Variants in KIF16B observed in about 807,000 individuals in gnomAD.
KIF16B encodes the protein kinesin-like protein KIF16B.
KIF16B carries 98 observed loss-of-function variants against 156.3 expected under a neutral mutation model. The observed-to-expected ratio is 0.63, with a 90% CI of 0.53 to 0.74. The LOEUF is 0.74. Among genes scored for constraint, KIF16B ranks in the 30% least tolerant of loss-of-function variants. The probability of loss-of-function intolerance (pLI) is 0.00; values close to 1 mark genes in which losing one functional copy is unlikely to be tolerated. For synonymous variants in KIF16B, 564 were observed against 583.7 expected, an observed-to-expected ratio of 0.97 and a Z score of 0.49; for missense variants, 1,421 against 1,606.5, an observed-to-expected ratio of 0.88 and a Z score of 1.97.
chr20:16,551,392 G>C (rs1316841067), intron 1 of KIF16B, among the ~76,000 whole-genome samples: 2 of 152,196 alleles, frequency 1.3e-5, no homozygotes, highest in Admixed American at 6.5e-5. Context: ...GCCTCCCAAA[G>C]TGCTGGGATT....
chr20:16,472,890 G>A (rs1348780081), intron 12 of KIF16B, among the ~76,000 whole-genome samples: 1 of 152,160 alleles, frequency 6.6e-6, no homozygotes, highest in African/African-American at 2.4e-5. Context: ...GACTTTGATA[G>A]ACCAACCTTA....
chr20:16,426,941 C>T (rs2066369342), intron 15 of KIF16B, among the ~76,000 whole-genome samples, 163 bp downstream of exon 15: 1 of 151,948 alleles, frequency 6.6e-6, no homozygotes, highest in African/African-American at 2.4e-5. Flanking sequence ...AAAATAAGCC[C>T]TCCAGCCAAA....
rs533767875 is a variant in KIF16B at position 16,368,083 on chromosome 20, T to C, written c.3498+2503A>G. 2.4e-5 allele frequency: 32 copies of C among 1,322,820 alleles called. No homozygotes were observed. In the Admixed American group the frequency reaches 3.7e-4, roughly 15 times the overall value. 81.9% of individuals were successfully genotyped at this position (1,322,820 alleles called of 1,614,324 possible). Reference sequence around the variant, plus strand: ...AGCAACAGCAAGCCAGTAAATGCCTTTGACTTCCTTCATGTTGCCCAAAGG... The same window carrying C: ...AGCAACAGCAAGCCAGTAAATGCCTCTGACTTCCTTCATGTTGCCCAAAGG... On this transcript the variant is annotated intron_variant, in intron 22 of 25. Coordinates refer to ENST00000354981, the MANE Select transcript of KIF16B (RefSeq NM_024704.5).
chr20:16,476,896 C>T (rs776201641), intron 12 of KIF16B, among the ~76,000 whole-genome samples: 1 of 151,924 alleles, frequency 6.6e-6, no homozygotes. Context: ...GTAGCTGGGA[C>T]TACAGGCGCG....
chr20:16,425,618 C>G (rs916496867), intron 15 of KIF16B, among the ~76,000 whole-genome samples: 2 of 151,978 alleles, frequency 1.3e-5, no homozygotes, highest in African/African-American at 4.8e-5. Flanking sequence ...TTACTAATAA[C>G]AAAGAAGAAA....
intron 10 of KIF16B, 143 bp downstream of exon 10, chr20:16,504,229 G>A (rs1352018175): frequency 7.9e-6 from 6 of 761,044 alleles, no homozygotes; most frequent in African/African-American, 1.7e-5. Flanking sequence ...ATGTAAACGA[G>A]GGACTGGCTA....
intron 23 of KIF16B, among the ~76,000 whole-genome samples, chr20:16,339,843 C>G (rs144040378): frequency 3.8e-4 from 58 of 152,302 alleles, no homozygotes; most frequent in Middle Eastern, 3.4e-3. Flanking sequence ...ATGTTGGTCA[C>G]CATCTTCTCT....
At chr20:16,339,902 T>TCAAGA (rs1206807982) in intron 23 of KIF16B, among the ~76,000 whole-genome samples, 6 of 152,198 alleles carry the variant, frequency 3.9e-5, no homozygotes, top group African/African-American at 1.4e-4. Context: ...TTGCTTATAG[T>TCAAGA]CTTGCCTCCT....
Position 16,410,130 on chromosome 20 carries a change from T to C in KIF16B, c.1613-3674A>G, listed in dbSNP as rs1159236361. Among the ~76,000 whole-genome samples, 2 of 140,242 alleles carry C rather than the reference T, an allele frequency of 1.4e-5. 1 individual carries two copies. The highest frequency in any genetic ancestry group is 3.1e-5 in the Non-Finnish European group (2 of 64,336). The allele number at this position is 140,242 out of a possible 152,430, so 92.0% of individuals were successfully genotyped here. On this transcript the variant is annotated intron_variant, in intron 15 of 25. Coordinates refer to ENST00000354981, the MANE Select transcript of KIF16B (RefSeq NM_024704.5). ...ATGTAGGTACATATATATATGTAGGTACATATATATATGTAGGTACATATA... is the reference window on the plus strand; with the variant it reads ...ATGTAGGTACATATATATATGTAGGCACATATATATATGTAGGTACATATA...
intron 12 of KIF16B, among the ~76,000 whole-genome samples, chr20:16,453,754 A>T (rs1332833712): frequency 6.6e-6 from 1 of 152,176 alleles, no homozygotes; most frequent in East Asian, 1.9e-4. Context: ...ACAAATCAAA[A>T]CCACCATGAT....
intron 12 of KIF16B, among the ~76,000 whole-genome samples, chr20:16,488,101 C>T (rs1295817190): frequency 1.3e-5 from 2 of 152,172 alleles, no homozygotes; most frequent in Admixed American, 6.5e-5. Context: ...AATGAAAACA[C>T]CAAAGCCAGC....
chr20:16,529,126 C>A (rs2069656092), intron 1 of KIF16B, among the ~76,000 whole-genome samples: 1 of 152,096 alleles, frequency 6.6e-6, no homozygotes, highest in Non-Finnish European at 1.5e-5. Context: ...TAGAAAAATA[C>A]AAATTATATT....
At chr20:16,449,159 G>A (rs767458313) in intron 12 of KIF16B, among the ~76,000 whole-genome samples, 1 of 152,054 alleles carries the variant, frequency 6.6e-6, no homozygotes, top group Non-Finnish European at 1.5e-5. Context: ...GAATAAATGA[G>A]GGACAAGCTA....
intron 12 of KIF16B, among the ~76,000 whole-genome samples, chr20:16,446,457 C>T (rs888559437): frequency 6.6e-6 from 1 of 152,104 alleles, no homozygotes; most frequent in Admixed American, 6.6e-5. Flanking sequence ...TGGCATGTTC[C>T]CCTGCACCAT....
chr20:16,356,247 C>G (rs2064439078), intron 23 of KIF16B, 83 bp downstream of exon 23: 1 of 1,536,256 alleles, frequency 6.5e-7, no homozygotes, highest in African/African-American at 1.4e-5. Context: ...GCAGCTTCAT[C>G]CCCCTTTTGA....
At chr20:16,479,091 A>G (rs2067903442) in intron 12 of KIF16B, among the ~76,000 whole-genome samples, 1 of 152,244 alleles carries the variant, frequency 6.6e-6, no homozygotes, top group Non-Finnish European at 1.5e-5. Flanking sequence ...GTGTTATACA[A>G]CTATGTACAA....
chr20:16,349,209 G>C (rs1008350954), intron 23 of KIF16B, among the ~76,000 whole-genome samples: 1 of 152,184 alleles, frequency 6.6e-6, no homozygotes, highest in Non-Finnish European at 1.5e-5. Flanking sequence ...GACAGAGAGG[G>C]GACAGATGAA....
At chr20:16,343,179 C>G (rs1568867353) in intron 23 of KIF16B, among the ~76,000 whole-genome samples, 1 of 152,182 alleles carries the variant, frequency 6.6e-6, no homozygotes, top group Admixed American at 6.5e-5. Flanking sequence ...TTCACTGATA[C>G]AAATCCTTCT....
chr20:16,367,507 T>A, intron 22 of KIF16B: 1 of 1,612,878 alleles, frequency 6.2e-7, no homozygotes, highest in Non-Finnish European at 8.5e-7. Flanking sequence ...CAGTGCAATG[T>A]GGGTGTTCAG....
Sources: allele counts gnomAD v4.1 joint callset (sites outside exome capture counted in the v4.1 genomes callset), GRCh38; gene constraint gnomAD v4.1.1; transcripts MANE v1.5; gene names NCBI Gene and HGNC (gene_info 2026-07-23, HGNC 2026-07-21).